The following FCHSD2 variants were observed in gnomAD, a reference collection of about 807,000 sequenced individuals.
FCHSD2 encodes F-BAR and double SH3 domains protein 2.
Under a neutral mutation model 108.1 loss-of-function variants are expected in FCHSD2, and 38 were observed. That is an observed-to-expected ratio of 0.35 (90% CI 0.27 to 0.46). The LOEUF is 0.46. Ranked by LOEUF, FCHSD2 falls within the 20% of genes least tolerant of loss-of-function variation. The pLI is 1.00. For missense variants in FCHSD2, 751 were observed against 897.8 expected (o/e 0.84, Z 2.09); for synonymous variants, 279 against 314.7 (o/e 0.89, Z 1.20).
chr11:73,046,568 C>T (rs916518835), intron 3 of FCHSD2, among the ~76,000 whole-genome samples: 2 of 152,084 alleles, frequency 1.3e-5, no homozygotes, highest in Non-Finnish European at 2.9e-5. Context: ...ATTGGTGTAG[C>T]ATTTTAAATT....
chr11:73,097,885 G>C (rs538600133), intron 2 of FCHSD2, among the ~76,000 whole-genome samples: 1 of 152,062 alleles, frequency 6.6e-6, no homozygotes, highest in African/African-American at 2.4e-5. Flanking sequence ...TGTTATCCCA[G>C]TTGGGCTTAA....
intron 8 of FCHSD2, among the ~76,000 whole-genome samples, chr11:72,943,650 G>A (rs1039167330): frequency 1.3e-5 from 2 of 152,166 alleles, no homozygotes; most frequent in African/African-American, 4.8e-5. Flanking sequence ...ATATGTTTCA[G>A]TGTTTTACAT....
chr11:72,930,724 C>T (rs1856172381), intron 8 of FCHSD2, among the ~76,000 whole-genome samples: 1 of 152,154 alleles, frequency 6.6e-6, no homozygotes, highest in Non-Finnish European at 1.5e-5. Context: ...GCCTGGGTGA[C>T]AGGGCGAGAC....
chr11:72,894,044 T>C (rs1449418862), intron 10 of FCHSD2, among the ~76,000 whole-genome samples: 6 of 152,186 alleles, frequency 3.9e-5, no homozygotes, highest in Admixed American at 2.0e-4. Context: ...GTTTTTTAAC[T>C]CTGTAACTAA....
chr11:72,882,655 T>C (rs893243043), intron 12 of FCHSD2, among the ~76,000 whole-genome samples: 1 of 152,204 alleles, frequency 6.6e-6, no homozygotes, highest in Non-Finnish European at 1.5e-5. Context: ...ATCTCATAAA[T>C]ATGTACAATT....
intron 3 of FCHSD2, among the ~76,000 whole-genome samples, chr11:73,044,538 T>C (rs1858712443): frequency 6.6e-6 from 1 of 152,110 alleles, no homozygotes; most frequent in South Asian, 2.1e-4. Flanking sequence ...GATCATGCCA[T>C]TGCACTCCAG....
chr11:73,135,169 A>C (rs1326812580), intron 2 of FCHSD2, among the ~76,000 whole-genome samples: 1 of 152,222 alleles, frequency 6.6e-6, no homozygotes, highest in African/African-American at 2.4e-5. Flanking sequence ...ATAATATATT[A>C]TACTTTTTGA....
chr11:73,083,842 G>A, intron 2 of FCHSD2, 102 bp from the exon 3 acceptor site: 1 of 756,542 alleles, frequency 1.3e-6, no homozygotes, highest in South Asian at 1.5e-5. Context: ...GATATGTGAG[G>A]GAAAGGACAA....
At chr11:73,134,826 T>TG (rs554271660) in intron 2 of FCHSD2, among the ~76,000 whole-genome samples, 30 of 152,236 alleles carry the variant, frequency 2.0e-4, no homozygotes, top group Non-Finnish European at 3.1e-4. Context: ...TACTGTTTTC[T>TG]GGGGGGGAGT....
In FCHSD2 at chr11:72,838,440, G is replaced by A. The variant is rs1477400491; in HGVS notation, c.*351C>T. On this transcript the variant is annotated 3_prime_UTR_variant, in exon 20 of 20. Transcript: ENST00000409418. ...GTGGTCACAGTAATATACTGTACGA[G>A]TGCACATGATCAGTAATTTAGGGAC... The A allele has an allele frequency of 6.3e-6, 2 of 315,720 alleles. No individual in the cohort carries two copies. The highest frequency in any genetic ancestry group is 1.2e-5 in the Non-Finnish European group (2 of 163,350). 19.6% of individuals were successfully genotyped at this position (315,720 alleles called of 1,614,324 possible).
chr11:73,019,240 A>G (rs1439929287), intron 3 of FCHSD2, among the ~76,000 whole-genome samples: 1 of 152,192 alleles, frequency 6.6e-6, no homozygotes, highest in Non-Finnish European at 1.5e-5. Flanking sequence ...ACAGCACTCT[A>G]AATTTATGTA....
chr11:72,883,870 G>A (rs763841383), intron 12 of FCHSD2, among the ~76,000 whole-genome samples: 17 of 151,580 alleles, frequency 1.1e-4, no homozygotes, highest in African/African-American at 3.2e-4. Context: ...AGGTTCGGGC[G>A]GCAGTGAGTT....
chr11:73,085,144 A>C (rs1490398316), intron 2 of FCHSD2, among the ~76,000 whole-genome samples: 2 of 152,238 alleles, frequency 1.3e-5, no homozygotes, highest in African/African-American at 4.8e-5. Context: ...AAACGGAAGA[A>C]GTTTCACCTT....
At chr11:73,013,675 A>G (rs1010011121) in intron 4 of FCHSD2, among the ~76,000 whole-genome samples, 12 of 152,222 alleles carry the variant, frequency 7.9e-5, no homozygotes, top group African/African-American at 2.9e-4. Context: ...ATGGGAAATG[A>G]GTTCTTAGCA....
At chr11:73,036,024 T>A (rs1291637562) in intron 3 of FCHSD2, among the ~76,000 whole-genome samples, 4 of 152,124 alleles carry the variant, frequency 2.6e-5, no homozygotes, top group Non-Finnish European at 4.4e-5. Flanking sequence ...TCGCCCAGTT[T>A]TTATTAATGT....
At chr11:72,983,098 T>A (rs1472307918) in intron 8 of FCHSD2, among the ~76,000 whole-genome samples, 2 of 151,738 alleles carry the variant, frequency 1.3e-5, no homozygotes, top group African/African-American at 4.8e-5. Flanking sequence ...ATCGAGACCA[T>A]CCCGGCTAAA....
chr11:72,990,551 C>T (rs1376762457), intron 5 of FCHSD2, among the ~76,000 whole-genome samples: 1 of 152,152 alleles, frequency 6.6e-6, no homozygotes, highest in Admixed American at 6.5e-5. Context: ...GATTAAGAAA[C>T]TCACTCAAAA....
chr11:72,848,062 A>G (rs1163313370), intron 14 of FCHSD2, among the ~76,000 whole-genome samples: 3 of 152,162 alleles, frequency 2.0e-5, no homozygotes, highest in Non-Finnish European at 2.9e-5. Flanking sequence ...GGTCTGGACT[A>G]TAAGAATTAT....
intron 3 of FCHSD2, among the ~76,000 whole-genome samples, chr11:73,028,440 T>A (rs1858279779): frequency 6.6e-6 from 1 of 152,228 alleles, no homozygotes; most frequent in Non-Finnish European, 1.5e-5. Flanking sequence ...GCAGCATTTA[T>A]CAAATGCCTG....
Sources: gnomAD v4.1 joint callset for allele counts (sites outside exome capture counted in the v4.1 genomes callset) on GRCh38, gnomAD v4.1.1 for gene constraint, MANE v1.5 for transcripts, NCBI Gene and HGNC (gene_info 2026-07-23, HGNC 2026-07-21) for gene names.